The following RASGRP2 variants were observed in gnomAD, a reference collection of about 807,000 sequenced individuals.
The protein encoded by RASGRP2 is RAS guanyl releasing protein 2, also known as RAS guanyl-releasing protein 2.
A neutral mutation model predicts 71.0 loss-of-function variants in RASGRP2; 44 were observed. The observed-to-expected ratio is 0.62, with a 90% CI of 0.49 to 0.80. The LOEUF (loss-of-function observed/expected upper bound fraction) is 0.80, where lower values mean the gene tolerates loss of function less well. Ranked by LOEUF, RASGRP2 falls within the 30% of genes least tolerant of loss-of-function variation. RASGRP2 has a pLI of 0.00. For missense variants in RASGRP2, 663 were observed against 813.4 expected (o/e 0.82, Z 2.25); for synonymous variants, 350 against 330.7 (o/e 1.06, Z -0.63).
Position 64,739,006 on chromosome 11 carries a change from C to T in RASGRP2, c.813+354G>A, listed in dbSNP as rs146446781. Among the ~76,000 whole-genome samples the T allele has an allele frequency of 8.7e-4, 131 of 151,184 alleles. No homozygotes were observed. The highest frequency in any genetic ancestry group is 3.0e-3 in the African/African-American group (125 of 41,214). On this transcript the variant is annotated intron_variant, in intron 8 of 16. Transcript: ENST00000394432. The surrounding 1 kb of genome is among the most constrained non-coding windows in gnomAD (Gnocchi z 4.2). ...ACAATACAAAAATTAGGCATGGTGG[C>T]GTACACCTGTAGTCCCAGCTACTCA...
Position 64,735,090 on chromosome 11 carries a change from C to G in RASGRP2, c.1412+22G>C. On this transcript the variant is annotated intron_variant, in intron 12 of 16. Coordinates refer to ENST00000394432, the MANE Select transcript of RASGRP2 (RefSeq NM_001098671.2). This position sits in a 1 kb window ranked among gnomAD's most constrained non-coding sequence, Gnocchi z 4.2. The stretch of plus-strand genomic sequence containing the variant: ...TGGGCTGAGTTGCCTTCCCTCTCCC[C>G]CAGGTCCCCAGCCCTCCTCACTGGT... 6.3e-7 allele frequency: 1 copy of G among 1,583,422 alleles called. No homozygotes were observed. Among genetic ancestry groups the G allele is most frequent in the Non-Finnish European group, 8.7e-7 (1 of 1,152,000 alleles).
intron 9 of RASGRP2, 94 bp downstream of exon 9, chr11:64,736,659 A>G: frequency 7.2e-7 from 1 of 1,392,280 alleles, no homozygotes; most frequent in Non-Finnish European, 9.8e-7. Context: ...CTTGGCCAGA[A>G]CCCAGAGCCC....
In RASGRP2 at chr11:64,743,820, G is replaced by A. The variant is rs928395555; in HGVS notation, c.-72+183C>T. ...TCACTGGCGGGGTCATACGCACCCT[G>A]GCAGGGGCAAACACTCCACACCCAA... On this transcript the variant is annotated intron_variant, in intron 1 of 16. Transcript: ENST00000394432. This position sits in a 1 kb window ranked among gnomAD's most constrained non-coding sequence, Gnocchi z 4.9. 7.4e-6 allele frequency: 2 copies of A among 269,236 alleles called. No homozygotes were observed. The highest frequency in any genetic ancestry group is 1.0e-3 in the Middle Eastern group (1 of 970). 16.7% of individuals were successfully genotyped at this position (269,236 alleles called of 1,614,324 possible). A position where few individuals can be genotyped will look rare whatever the true frequency, so the allele number is the denominator to read the frequency against.
In RASGRP2 at chr11:64,741,488, G is replaced by A. The variant is rs754090867; in HGVS notation, c.190C>T (p.Arg64Trp). 3 of 1,580,346 alleles carry A rather than the reference G, an allele frequency of 1.9e-6. No individual in the cohort carries two copies. The highest frequency in any genetic ancestry group is 2.6e-6 in the Non-Finnish European group (3 of 1,161,576). The change falls in exon 4 of 17, where the codon CGG becomes TGG. Residue 64 changes from arginine (R) to tryptophan (W), a missense_variant. Transcript: ENST00000394432. ...AKLLHIYQQS[R>W]KDNSNSLQVK... Reference sequence around the variant, plus strand: ...TGCAGGGAATTGGAGTTGTCCTTCCGGGATTGTTGGTAGGTGAAGGAGAGG... The same window carrying A: ...TGCAGGGAATTGGAGTTGTCCTTCCAGGATTGTTGGTAGGTGAAGGAGAGG...
Position 64,739,819 on chromosome 11 carries a change from T to C in RASGRP2, c.523-10A>G. On this transcript the variant is annotated splice_polypyrimidine_tract_variant and intron_variant, in intron 6 of 16. Transcript: ENST00000394432. The surrounding 1 kb of genome is among the most constrained non-coding windows in gnomAD (Gnocchi z 4.2). Reference sequence around the variant, plus strand: ...TGTGATAGTCCTGAAACTGGGGGCATGAGGAGTGGCCTCAGCACCTTGCTG... The same window carrying C: ...TGTGATAGTCCTGAAACTGGGGGCACGAGGAGTGGCCTCAGCACCTTGCTG... The C allele has an allele frequency of 6.2e-7, 1 of 1,613,536 alleles. No individual in the cohort carries two copies. Among genetic ancestry groups the C allele is most frequent in the South Asian group, 1.1e-5 (1 of 91,080 alleles).
chr11:64,742,938 C>T lies in RASGRP2; in HGVS notation c.-71-1G>A, dbSNP rs1284140261. On this transcript the variant is annotated splice_acceptor_variant, in intron 1 of 16. Transcript: ENST00000394432. LOFTEE classifies it low-confidence loss of function (5UTR_SPLICE). This position sits in a 1 kb window ranked among gnomAD's most constrained non-coding sequence, Gnocchi z 4.7. Reference sequence around the variant, plus strand: ...CTCCCACCGGGCTCGGACCGAACCCCTGTCCCGGGAGAGGCAGAGCGGGAG... The same window carrying T: ...CTCCCACCGGGCTCGGACCGAACCCTTGTCCCGGGAGAGGCAGAGCGGGAG... The T allele has an allele frequency of 6.5e-7, 1 of 1,533,032 alleles. No homozygotes were observed. Among genetic ancestry groups the T allele is most frequent in the South Asian group, 1.2e-5 (1 of 83,862 alleles). 95.0% of individuals were successfully genotyped at this position (1,533,032 alleles called of 1,614,324 possible).
intron 14 of RASGRP2, 74 bp from the exon 15 acceptor site, chr11:64,729,116 G>A (rs935078817): frequency 1.1e-5 from 16 of 1,427,252 alleles, no homozygotes; most frequent in Middle Eastern, 1.7e-4. Context: ...GCAGGCTTGT[G>A]CCCCCCTACC....
chr11:64,741,223 A>G, intron 4 of RASGRP2, 144 bp from the exon 5 acceptor site: 1 of 1,177,064 alleles, frequency 8.5e-7, no homozygotes, highest in East Asian at 2.6e-5. Context: ...CTCCAAGTGT[A>G]CATTAGACCC....
chr11:64,727,441 T>C (rs947256093), intron 15 of RASGRP2, 81 bp from the exon 16 acceptor site: 16 of 1,296,856 alleles, frequency 1.2e-5, no homozygotes, highest in Admixed American at 1.8e-5. Flanking sequence ...ACGGGAGGCA[T>C]CCACATCATC....
At position 64,741,061 on chromosome 11, in the gene RASGRP2, G is replaced by T; in HGVS notation, c.258C>A (p.Phe86Leu). 7 of 1,613,308 alleles carry T rather than the reference G, an allele frequency of 4.3e-6. No individual in the cohort carries two copies. Among genetic ancestry groups the T allele is most frequent in the Non-Finnish European group, 5.9e-6 (7 of 1,180,014 alleles). The change falls in exon 5 of 17, where the codon TTC becomes TTA. Residue 86 changes from phenylalanine to leucine, a missense_variant. Coordinates refer to ENST00000394432, the MANE Select transcript of RASGRP2 (RefSeq NM_001098671.2). Reference sequence around the variant, plus strand: ...CCGGGTTCAAGTCAAACTCCGCTGGGAAGGCGGAGATCCAGTACCTGGAGG... The same window carrying T: ...CCGGGTTCAAGTCAAACTCCGCTGGTAAGGCGGAGATCCAGTACCTGGAGG... ...CHLVRYWISAFPAEFDLNPEL... is the reference protein window; with the variant it reads ...CHLVRYWISALPAEFDLNPEL...
chr11:64,735,470 G>A lies in RASGRP2; in HGVS notation c.1296+72C>T, dbSNP rs980065519. ...GCTGGGTCTTGAACAGGACACTCGT[G>A]CTGGCTTCCAGGGCAGTGCTCCGGC... On this transcript the variant is annotated intron_variant, in intron 11 of 16. Transcript: ENST00000394432. This position sits in a 1 kb window ranked among gnomAD's most constrained non-coding sequence, Gnocchi z 4.2. The A allele has an allele frequency of 5.6e-6, 9 of 1,608,372 alleles. No individual in the cohort carries two copies. Among genetic ancestry groups the A allele is most frequent in the Non-Finnish European group, 6.8e-6 (8 of 1,178,926 alleles).
chr11:64,735,157 C>A lies in RASGRP2; in HGVS notation c.1367G>T (p.Gly456Val). 6.2e-7 allele frequency: 1 copy of A among 1,614,198 alleles called. No individual in the cohort carries two copies. The highest frequency in any genetic ancestry group is 8.5e-7 in the Non-Finnish European group (1 of 1,180,046). ...AAAGGCGCTGAGGTAAGGGAAGTTC[C>A]CACGGATGATCTGGAATTCTTCCTG... ...ISQEEFQIIR[G>V]NFPYLSAFGD... Residue 456 changes from glycine (G) to valine (V), a missense_variant, in exon 12 of 17, where the codon GGG (glycine) becomes GTG (valine). Transcript: ENST00000394432. This position sits in a 1 kb window ranked among gnomAD's most constrained non-coding sequence, Gnocchi z 4.2.
Position 64,735,568 on chromosome 11 carries a change from C to A in RASGRP2, c.1270G>T (p.Val424Leu), listed in dbSNP as rs201325045. ...TCCACCATCTTCTCGATGTGCTCCA[C>A]CACGAGGGCCTGATCCAGCTTGGGT... ...AKPKLDQALVVEHIEKMVESV... is the reference protein window; with the variant it reads ...AKPKLDQALVLEHIEKMVESV... The change falls in exon 11 of 17, where the codon GTG (valine) becomes TTG (leucine). Residue 424 changes from valine (V) to leucine (L), a missense_variant. Val to Leu is a conservative substitution (Grantham distance 32). Coordinates refer to ENST00000394432, the MANE Select transcript of RASGRP2 (RefSeq NM_001098671.2). The surrounding 1 kb of genome is among the most constrained non-coding windows in gnomAD (Gnocchi z 4.2). The A allele has an allele frequency of 6.2e-7, 1 of 1,614,162 alleles. No individual in the cohort carries two copies. The highest frequency in any genetic ancestry group is 2.2e-5 in the East Asian group (1 of 44,878).
chr11:64,742,611 G>T lies in RASGRP2; in HGVS notation c.73+183C>A. 1.2e-6 allele frequency: 1 copy of T among 812,978 alleles called. No individual in the cohort carries two copies. The highest frequency in any genetic ancestry group is 2.0e-6 in the Non-Finnish European group (1 of 503,702). The allele number at this position is 812,978 out of a possible 1,614,324, so 50.4% of individuals were successfully genotyped here. On this transcript the variant is annotated intron_variant, in intron 2 of 16. Coordinates refer to ENST00000394432, the MANE Select transcript of RASGRP2 (RefSeq NM_001098671.2). This position sits in a 1 kb window ranked among gnomAD's most constrained non-coding sequence, Gnocchi z 4.7. ...AGGCTAGAGAAGGGAAACCTCATCT[G>T]TCTGAAGGGCGTGCATCTCTCTGCC...
Position 64,728,967 on chromosome 11 carries a change from C to G in RASGRP2, c.1667G>C (p.Ser556Thr). The G allele has an allele frequency of 6.2e-7, 1 of 1,611,684 alleles. No homozygotes were observed. The highest frequency in any genetic ancestry group is 8.5e-7 in the Non-Finnish European group (1 of 1,179,726). Reference protein sequence around the residue: ...VECRRRAQSVSLEGSAPSPSP... With the variant: ...VECRRRAQSVTLEGSAPSPSP... Reference sequence around the variant, plus strand: ...GGGTGAGGGTGCAGACCCCTCCAGGCTCACACTCTGGGCCCTGCGCCGACA... The same window carrying G: ...GGGTGAGGGTGCAGACCCCTCCAGGGTCACACTCTGGGCCCTGCGCCGACA... Residue 556 changes from serine (S) to threonine (T), a missense_variant, in exon 15 of 17, where the codon AGC (serine) becomes ACC (threonine). Transcript: ENST00000394432.
intron 12 of RASGRP2, among the ~76,000 whole-genome samples, chr11:64,732,284 G>A (rs147811070): frequency 4.6e-5 from 7 of 152,350 alleles, no homozygotes; most frequent in South Asian, 2.1e-4. Flanking sequence ...TTGGGAGGCC[G>A]AGGTGGGCAG....
chr11:64,733,152 A>C (rs2057816164), intron 12 of RASGRP2, among the ~76,000 whole-genome samples: 1 of 147,548 alleles, frequency 6.8e-6, no homozygotes, highest in Non-Finnish European at 1.5e-5. Context: ...ATTAAAAAAA[A>C]GAAAAAAGAA....
At chr11:64,740,840 C>G (rs551599155) in intron 5 of RASGRP2, 108 bp downstream of exon 5, 1 of 1,468,750 alleles carries the variant, frequency 6.8e-7, no homozygotes, top group African/African-American at 1.4e-5. Flanking sequence ...GGTTTTTAAG[C>G]GAGAGAGCAA....
chr11:64,729,880 G>A (rs1404674788), intron 13 of RASGRP2, 82 bp from the exon 14 acceptor site: 6 of 1,590,098 alleles, frequency 3.8e-6, no homozygotes, highest in Middle Eastern at 1.8e-4. Flanking sequence ...GTGAGACTAG[G>A]GCTTTAGAGC....
Sources: gnomAD v4.1 joint callset for allele counts (sites outside exome capture counted in the v4.1 genomes callset) on GRCh38, gnomAD v4.1.1 for gene constraint, Gnocchi (gnomAD v3.1) non-coding constraint, MANE v1.5 for transcripts, NCBI Gene and HGNC (gene_info 2026-07-23, HGNC 2026-07-21) for gene names.